EPB41L2: variants seen among roughly 807,000 people sequenced by gnomAD.
EPB41L2 encodes the protein erythrocyte membrane protein band 4.1 like 2.
A neutral mutation model predicts 113.0 loss-of-function variants in EPB41L2; 43 were observed. The observed-to-expected ratio is 0.38, with a 90% CI of 0.30 to 0.49. The LOEUF (loss-of-function observed/expected upper bound fraction) is 0.49, where lower values mean the gene tolerates loss of function less well. Among genes scored for constraint, EPB41L2 ranks in the 20% least tolerant of loss-of-function variants. The probability of loss-of-function intolerance (pLI) is 0.95; values close to 1 mark genes in which losing one functional copy is unlikely to be tolerated. For missense variants in EPB41L2, 1,147 were observed against 1,223.4 expected (o/e 0.94, Z 0.93); for synonymous variants, 442 against 436.7 (o/e 1.01, Z -0.15).
At chr6:130,867,127 C>T (rs1406117927) in intron 16 of EPB41L2, among the ~76,000 whole-genome samples, 1 of 152,156 alleles carries the variant, frequency 6.6e-6, no homozygotes. Context: ...ATAAACTTTG[C>T]AAGACAATTT....
At chr6:130,946,006 TA>T (rs1562553566) in intron 3 of EPB41L2, among the ~76,000 whole-genome samples, 4 of 152,300 alleles carry the variant, frequency 2.6e-5, no homozygotes, top group Admixed American at 2.6e-4. Flanking sequence ...ACATACCATT[TA>T]AATATCTCAA....
chr6:130,860,398 A>G (rs1233020752), intron 18 of EPB41L2, among the ~76,000 whole-genome samples: 1 of 152,270 alleles, frequency 6.6e-6, no homozygotes, highest in African/African-American at 2.4e-5. Flanking sequence ...AACACATTCA[A>G]AATCAGTTTG....
chr6:130,876,544 A>T, intron 14 of EPB41L2: 1 of 388,346 alleles, frequency 2.6e-6, no homozygotes, highest in Non-Finnish European at 4.6e-6. Context: ...TTAACTTTTT[A>T]AATGCTCAAA....
At chr6:130,891,999 C>T (rs978932996) in intron 10 of EPB41L2, among the ~76,000 whole-genome samples, 1 of 152,068 alleles carries the variant, frequency 6.6e-6, no homozygotes. Context: ...TTGTAAGCAG[C>T]GTTATGCAAG....
intron 1 of EPB41L2, among the ~76,000 whole-genome samples, chr6:130,977,693 C>T (rs1221887132): frequency 6.6e-6 from 1 of 152,194 alleles, no homozygotes; most frequent in Non-Finnish European, 1.5e-5. Flanking sequence ...ATTATCTACT[C>T]TTCTTAACCT....
chr6:130,871,103 T>G (rs980464911), intron 14 of EPB41L2, among the ~76,000 whole-genome samples: 6 of 152,208 alleles, frequency 3.9e-5, no homozygotes, highest in Non-Finnish European at 7.3e-5. Flanking sequence ...GGGAGTAAAG[T>G]AATTTACTCC....
chr6:131,032,672 G>T (rs528437486), intron 1 of EPB41L2, among the ~76,000 whole-genome samples: 3 of 152,000 alleles, frequency 2.0e-5, no homozygotes, highest in Admixed American at 6.6e-5. Context: ...AGTCACAAAA[G>T]AATTATTATT....
At chr6:130,923,166 TC>T (rs1803448741) in intron 4 of EPB41L2, among the ~76,000 whole-genome samples, 1 of 152,132 alleles carries the variant, frequency 6.6e-6, no homozygotes, top group Non-Finnish European at 1.5e-5. Flanking sequence ...GCCTCCTTCC[TC>T]ATTCTCTCTT....
At chr6:130,881,188 C>CAGAGGCTGCTTCTGTTTAGCCTCT (rs1789195641) in intron 12 of EPB41L2, 1 of 152,112 alleles carries the variant, frequency 6.6e-6, no homozygotes, top group African/African-American at 2.4e-5. Context: ...TATTGACTCC[C>CAGAGGCTGCTTCTGTTTAGCCTCT]TTATCAAAGG....
chr6:130,945,623 A>C (rs1812547447), intron 3 of EPB41L2, among the ~76,000 whole-genome samples: 1 of 152,200 alleles, frequency 6.6e-6, no homozygotes, highest in South Asian at 2.1e-4. Context: ...TGCAAACTTT[A>C]AAACACATAT....
At chr6:131,062,059 G>A (rs1354550484) in intron 1 of EPB41L2, among the ~76,000 whole-genome samples, 1 of 152,022 alleles carries the variant, frequency 6.6e-6, no homozygotes, top group Non-Finnish European at 1.5e-5. Context: ...TTAAAATTAA[G>A]GGCAGCTGTG....
intron 15 of EPB41L2, chr6:130,867,791 CACATAGATACGT>C (rs1193196934): frequency 1.9e-6 from 1 of 534,704 alleles, no homozygotes; most frequent in African/African-American, 1.9e-5. Flanking sequence ...CATACATGTG[CACATAGATACGT>C]ACATATATAT....
chr6:130,850,066 C>T (rs1430103580), intron 19 of EPB41L2, among the ~76,000 whole-genome samples: 2 of 152,062 alleles, frequency 1.3e-5, no homozygotes, highest in Non-Finnish European at 2.9e-5. Flanking sequence ...AGGGAAACCC[C>T]GTCTCTACTA....
intron 18 of EPB41L2, among the ~76,000 whole-genome samples, chr6:130,862,619 G>A (rs772438310): frequency 2.0e-5 from 3 of 152,178 alleles, no homozygotes; most frequent in Non-Finnish European, 4.4e-5. Context: ...AAAATCCAGA[G>A]TCAAGGCAAC....
chr6:131,062,054 AT>A (rs895401211), intron 1 of EPB41L2, among the ~76,000 whole-genome samples: 1 of 152,032 alleles, frequency 6.6e-6, no homozygotes, highest in African/African-American at 2.4e-5. Context: ...GGATCTTAAA[AT>A]TAAGGGCAGC....
intron 11 of EPB41L2, among the ~76,000 whole-genome samples, chr6:130,885,961 T>C (rs907647643): frequency 1.3e-5 from 2 of 152,186 alleles, no homozygotes; most frequent in Non-Finnish European, 2.9e-5. Flanking sequence ...GAAATGTACA[T>C]TGTATTGAAA....
chr6:130,934,096 T>C (rs1807915581), intron 3 of EPB41L2, among the ~76,000 whole-genome samples: 3 of 152,246 alleles, frequency 2.0e-5, no homozygotes, highest in African/African-American at 7.2e-5. Context: ...TGATACATTG[T>C]TGGGGGAGGA....
chr6:130,919,704 A>G (rs1802273808), intron 4 of EPB41L2, among the ~76,000 whole-genome samples: 1 of 152,216 alleles, frequency 6.6e-6, no homozygotes, highest in Non-Finnish European at 1.5e-5. Context: ...GCCTCCATGA[A>G]CATAGTCAAC....
At chr6:130,977,541 A>C (rs1778458266) in intron 1 of EPB41L2, among the ~76,000 whole-genome samples, 1 of 152,184 alleles carries the variant, frequency 6.6e-6, no homozygotes. Flanking sequence ...AGAAGAAACA[A>C]AACAGCCCTA....
Sources: gnomAD v4.1 joint callset for allele counts (sites outside exome capture counted in the v4.1 genomes callset) on GRCh38, gnomAD v4.1.1 for gene constraint, MANE v1.5 for transcripts, NCBI Gene and HGNC (gene_info 2026-07-23, HGNC 2026-07-21) for gene names.